The following GAB1 variants were observed in gnomAD, a reference collection of about 807,000 sequenced individuals.
GAB1 encodes the protein GRB2-associated-binding protein 1.
GAB1 carries 19 observed loss-of-function variants against 66.5 expected under a neutral mutation model. The observed-to-expected ratio is 0.29, with a 90% CI of 0.20 to 0.42. The LOEUF (loss-of-function observed/expected upper bound fraction) is 0.42. Ranked by LOEUF, GAB1 falls within the 10% of genes least tolerant of loss-of-function variation. The pLI is 1.00. For missense variants in GAB1, 732 were observed against 858.5 expected (o/e 0.85, Z 1.84); for synonymous variants, 294 against 301.4 (o/e 0.98, Z 0.25).
intron 8 of GAB1, among the ~76,000 whole-genome samples, chr4:143,464,310 A>G (rs936462577): frequency 6.6e-6 from 1 of 151,958 alleles, no homozygotes; most frequent in East Asian, 1.9e-4. Flanking sequence ...GCTCACTGCA[A>G]CCTCCGCCTC....
chr4:143,432,421 G>A (rs1468874829), intron 2 of GAB1, among the ~76,000 whole-genome samples: 1 of 152,134 alleles, frequency 6.6e-6, no homozygotes, highest in African/African-American at 2.4e-5. Flanking sequence ...GGAAGGATTA[G>A]GAACACATTG....
At chr4:143,425,380 G>T in intron 2 of GAB1, 1 of 760,050 alleles carries the variant, frequency 1.3e-6, no homozygotes, top group South Asian at 1.3e-5. Flanking sequence ...TTCAGATGCA[G>T]ACAGCCTTCT....
At chr4:143,406,082 A>G (rs1286928107) in intron 1 of GAB1, among the ~76,000 whole-genome samples, 1 of 152,214 alleles carries the variant, frequency 6.6e-6, no homozygotes, top group African/African-American at 2.4e-5. Flanking sequence ...GGGTTTGCCC[A>G]GGACTGAGCC....
At chr4:143,383,458 T>C (rs1730741451) in intron 1 of GAB1, among the ~76,000 whole-genome samples, 1 of 152,218 alleles carries the variant, frequency 6.6e-6, no homozygotes, top group African/African-American at 2.4e-5. Context: ...TATACTTTTA[T>C]CATTTGTTAT....
chr4:143,420,994 T>C (rs548574523), intron 2 of GAB1, among the ~76,000 whole-genome samples: 1 of 152,214 alleles, frequency 6.6e-6, no homozygotes, highest in Admixed American at 6.5e-5. Context: ...TTGATCTATA[T>C]CTACATGTAG....
intron 4 of GAB1, chr4:143,439,556 C>G (rs145996186): frequency 3.7e-4 from 158 of 429,580 alleles, no homozygotes; most frequent in African/African-American, 2.8e-3. Context: ...TTATCCCAGA[C>G]TTAGACATTC....
chr4:143,402,791 A>C (rs551801208), intron 1 of GAB1, among the ~76,000 whole-genome samples: 7 of 152,342 alleles, frequency 4.6e-5, no homozygotes, highest in African/African-American at 1.7e-4. Context: ...GGATGTCCAG[A>C]TGACATCTCT....
At position 143,468,208 on chromosome 4, in the gene GAB1, CTTTTTTTTTTTT is replaced by C. The variant is rs780138131; in HGVS notation, c.1927-809_1927-798del. ...TGTCATGGAAGCATTAGTTTGAATT[CTTTTTTTTTTTT>C]TTTTTTTTTTTTTGGACGGAGTCTT... On this transcript the variant is annotated intron_variant, in intron 9 of 9. Transcript: ENST00000262994. Among the ~76,000 whole-genome samples the C allele has an allele frequency of 4.6e-3, 325 of 70,104 alleles. 1 individual carries two copies. Among genetic ancestry groups the C allele is most frequent in the African/African-American group, 0.016 (284 of 18,040 alleles). The allele number at this position is 70,104 out of a possible 152,430, so 46.0% of individuals were successfully genotyped here.
At chr4:143,375,208 A>G (rs1013450843) in intron 1 of GAB1, among the ~76,000 whole-genome samples, 6 of 152,218 alleles carry the variant, frequency 3.9e-5, no homozygotes, top group African/African-American at 1.2e-4. Context: ...TTGGCCTCCC[A>G]AAGTGCTGGG....
chr4:143,372,375 G>T (rs1318056618), intron 1 of GAB1, among the ~76,000 whole-genome samples: 1 of 152,130 alleles, frequency 6.6e-6, no homozygotes, highest in Non-Finnish European at 1.5e-5. Flanking sequence ...CTTGCTGTAG[G>T]CCAGGACTTG....
At chr4:143,373,877 ATATATATATTTT>A (rs1730289225) in intron 1 of GAB1, among the ~76,000 whole-genome samples, 1 of 134,958 alleles carries the variant, frequency 7.4e-6, no homozygotes, top group Non-Finnish European at 1.6e-5. Flanking sequence ...AAATATATAT[ATATATATATTTT>A]TACCTTTCTA....
intron 2 of GAB1, chr4:143,417,328 A>T: frequency 3.1e-6 from 1 of 322,404 alleles, no homozygotes; most frequent in Non-Finnish European, 6.0e-6. Context: ...TGGGGTGCCT[A>T]TCCTGGAAAG....
intron 2 of GAB1, chr4:143,417,375 G>A (rs1014921459): frequency 1.7e-5 from 7 of 402,382 alleles, no homozygotes; most frequent in Non-Finnish European, 3.4e-5. Context: ...TTTTACAAGT[G>A]GAATTCTACC....
intron 1 of GAB1, among the ~76,000 whole-genome samples, chr4:143,371,302 A>G (rs2149666418): frequency 6.6e-6 from 1 of 152,274 alleles, no homozygotes; most frequent in African/African-American, 2.4e-5. Flanking sequence ...ATGGCCAGTG[A>G]TGATGAGCAT....
At chr4:143,395,640 T>G in intron 1 of GAB1, 1 of 273,132 alleles carries the variant, frequency 3.7e-6, no homozygotes, top group South Asian at 3.2e-5. Flanking sequence ...CTCCCTAAAA[T>G]GTTTGTGAGA....
At chr4:143,388,503 C>G (rs1325036532) in intron 1 of GAB1, among the ~76,000 whole-genome samples, 2 of 152,326 alleles carry the variant, frequency 1.3e-5, no homozygotes, top group East Asian at 3.9e-4. Context: ...CAACCTCCAC[C>G]TCCCAGGTTC....
chr4:143,349,395 G>T, intron 1 of GAB1: 1 of 1,043,956 alleles, frequency 9.6e-7, no homozygotes, highest in Non-Finnish European at 1.5e-6. Flanking sequence ...CTTTCCAGAG[G>T]TCAGGGGTCA....
At chr4:143,347,386 A>G (rs1729023363) in intron 1 of GAB1, among the ~76,000 whole-genome samples, 1 of 152,122 alleles carries the variant, frequency 6.6e-6, no homozygotes, top group South Asian at 2.1e-4. Context: ...CAATAGCTAT[A>G]TTGAAACTTT....
At chr4:143,465,611 A>C (rs1735741404) in intron 8 of GAB1, among the ~76,000 whole-genome samples, 1 of 152,150 alleles carries the variant, frequency 6.6e-6, no homozygotes. Flanking sequence ...GTTCTTTAGA[A>C]TGTATGCCTT....
Sources: allele counts gnomAD v4.1 joint callset (sites outside exome capture counted in the v4.1 genomes callset), GRCh38; gene constraint gnomAD v4.1.1; transcripts MANE v1.5; gene names NCBI Gene and HGNC (gene_info 2026-07-23, HGNC 2026-07-21).